Variants in MBNL1 observed in about 807,000 individuals in gnomAD.
The protein encoded by MBNL1 is muscleblind like splicing regulator 1, also known as muscleblind-like protein 1.
In MBNL1, 8 loss-of-function variants were observed where a neutral mutation model predicts 42.2. That is an observed-to-expected ratio of 0.19 (90% CI 0.11 to 0.34). MBNL1 has a LOEUF of 0.34. MBNL1 is among the 10% of genes least tolerant of loss of function. MBNL1 has a pLI of 1.00. For missense variants in MBNL1, 309 were observed against 495.3 expected, an observed-to-expected ratio of 0.62 and a Z score of 3.57; for synonymous variants, 169 against 173.9, an observed-to-expected ratio of 0.97 and a Z score of 0.22.
intron 2 of MBNL1, among the ~76,000 whole-genome samples, chr3:152,252,508 C>T (rs1265104851): frequency 1.3e-5 from 2 of 151,872 alleles, no homozygotes; most frequent in Non-Finnish European, 2.9e-5. Flanking sequence ...ACTAAACAAA[C>T]CTGATACACC....
intron 1 of MBNL1, among the ~76,000 whole-genome samples, chr3:152,288,655 T>G (rs1289339851): frequency 6.6e-6 from 1 of 152,324 alleles, no homozygotes; most frequent in East Asian, 1.9e-4. Context: ...TGCAGATTCT[T>G]AAAACTACAC....
chr3:152,251,660 G>T (rs1311209749), intron 2 of MBNL1, among the ~76,000 whole-genome samples: 1 of 151,808 alleles, frequency 6.6e-6, no homozygotes, highest in African/African-American at 2.4e-5. Flanking sequence ...CCCATGATTA[G>T]ATTACGGTTA....
intron 2 of MBNL1, among the ~76,000 whole-genome samples, chr3:152,394,295 A>C (rs2097842610): frequency 6.6e-6 from 1 of 152,246 alleles, no homozygotes; most frequent in Non-Finnish European, 1.5e-5. Flanking sequence ...CTGACTATTT[A>C]TATACAGTGA....
intron 1 of MBNL1, among the ~76,000 whole-genome samples, chr3:152,287,556 G>A (rs1047520860): frequency 6.6e-6 from 1 of 152,118 alleles, no homozygotes; most frequent in African/African-American, 2.4e-5. Flanking sequence ...TAGATTCCTG[G>A]TTTCTATCCT....
At chr3:152,275,094 A>T (rs1007472876) in intron 1 of MBNL1, among the ~76,000 whole-genome samples, 2 of 152,148 alleles carry the variant, frequency 1.3e-5, no homozygotes, top group Non-Finnish European at 2.9e-5. Flanking sequence ...ACACATTAGC[A>T]TTTTATTTGT....
intron 2 of MBNL1, among the ~76,000 whole-genome samples, chr3:152,252,363 G>A (rs2034769455): frequency 6.9e-6 from 1 of 144,172 alleles, no homozygotes; most frequent in African/African-American, 2.5e-5. Context: ...CATACAATTA[G>A]GTTCATTGTT....
chr3:152,272,036 CTT>C (rs1390785463), intron 1 of MBNL1, among the ~76,000 whole-genome samples: 9 of 110,066 alleles, frequency 8.2e-5, no homozygotes, highest in African/African-American at 1.9e-4. Flanking sequence ...TCACCTGTTT[CTT>C]TTCTCTCTCT....
At chr3:152,338,045 T>C in intron 2 of MBNL1, 1 of 917,322 alleles carries the variant, frequency 1.1e-6, no homozygotes, top group Non-Finnish European at 1.3e-6. Flanking sequence ...AATAATTTTA[T>C]GTCACTTATT....
At chr3:152,407,209 C>CT (rs60509782) in intron 2 of MBNL1, among the ~76,000 whole-genome samples, 6,900 of 54,238 alleles carry the variant, frequency 0.13, 895 homozygotes, top group African/African-American at 0.2. Context: ...GAAATATGTT[C>CT]TTTTTTTTTT....
intron 2 of MBNL1, among the ~76,000 whole-genome samples, chr3:152,406,926 AT>A (rs2098443146): frequency 6.6e-6 from 1 of 152,164 alleles, no homozygotes; most frequent in Admixed American, 6.6e-5. Context: ...AAAAGAATCT[AT>A]TACATTATAT....
intron 6 of MBNL1, among the ~76,000 whole-genome samples, chr3:152,447,978 A>G (rs1420792452): frequency 2.6e-5 from 4 of 152,228 alleles, no homozygotes; most frequent in African/African-American, 9.6e-5. Context: ...TGGATTAAAG[A>G]TCAGTGGTAT....
chr3:152,259,459 C>A (rs1040882251), intron 2 of MBNL1, among the ~76,000 whole-genome samples: 2 of 152,066 alleles, frequency 1.3e-5, no homozygotes, highest in Non-Finnish European at 2.9e-5. Context: ...TGATTTTTGA[C>A]AAAACAAGTG....
At chr3:152,446,368 GTGTTT>G (rs772221269) in intron 5 of MBNL1, among the ~76,000 whole-genome samples, 3 of 151,856 alleles carry the variant, frequency 2.0e-5, no homozygotes, top group African/African-American at 2.4e-5. Context: ...GATCTTTTCT[GTGTTT>G]ATGGATACTT....
At chr3:152,443,374 G>T (rs1327791852) in intron 4 of MBNL1, among the ~76,000 whole-genome samples, 1 of 151,950 alleles carries the variant, frequency 6.6e-6, no homozygotes, top group East Asian at 1.9e-4. Context: ...AGCTGAGAGA[G>T]ATCACTTATA....
intron 1 of MBNL1, among the ~76,000 whole-genome samples, chr3:152,286,707 TTTTA>T (rs1435771052): frequency 6.6e-6 from 1 of 151,532 alleles, no homozygotes; most frequent in Admixed American, 6.6e-5. Context: ...CTGTAAAGCA[TTTTA>T]TTTGTGTGTG....
chr3:152,421,278 G>A (rs757198959), intron 3 of MBNL1, among the ~76,000 whole-genome samples: 25 of 152,074 alleles, frequency 1.6e-4, no homozygotes, highest in South Asian at 1.2e-3. Flanking sequence ...GATTTTTTTC[G>A]TACCCCAGTG....
At chr3:152,365,344 C>G (rs1039392976) in intron 2 of MBNL1, among the ~76,000 whole-genome samples, 13 of 151,952 alleles carry the variant, frequency 8.6e-5, no homozygotes, top group Non-Finnish European at 1.8e-4. Context: ...GTTTCAGCAA[C>G]GAAACAGAAT....
chr3:152,367,522 A>C lies in MBNL1; in HGVS notation c.175-47419A>C, dbSNP rs566777967. ...ATGTGTCTTTATAGTAGAATGATTT[A>C]TAATCCTTTGAGTATATACCCAGTA... is the stretch of plus-strand genomic sequence containing the variant. On this transcript the variant is annotated intron_variant, in intron 2 of 9. Coordinates refer to ENST00000324210, the MANE Select transcript of MBNL1 (RefSeq NM_021038.5). 2.4e-4 allele frequency among the ~76,000 whole-genome samples: 36 copies of C among 152,324 alleles called. No homozygotes were observed. In the South Asian group the frequency reaches 2.5e-3, roughly 11 times the overall value.
intron 1 of MBNL1, among the ~76,000 whole-genome samples, chr3:152,293,762 T>C (rs2057266201): frequency 6.6e-6 from 1 of 152,216 alleles, no homozygotes; most frequent in African/African-American, 2.4e-5. Context: ...GGGATATAAC[T>C]GGACTGATTG....
Sources: gnomAD v4.1 joint callset for allele counts (sites outside exome capture counted in the v4.1 genomes callset) on GRCh38, gnomAD v4.1.1 for gene constraint, MANE v1.5 for transcripts, NCBI Gene and HGNC (gene_info 2026-07-23, HGNC 2026-07-21) for gene names.